DCDC2C: variants seen among roughly 807,000 people sequenced by gnomAD.
The protein encoded by DCDC2C is doublecortin domain containing 2C.
A neutral mutation model predicts 45.0 loss-of-function variants in DCDC2C; 44 were observed. That is an observed-to-expected ratio of 0.98 (90% CI 0.77 to 1.26). The LOEUF is 1.26. Among genes scored for constraint, DCDC2C ranks in the 50% most tolerant of loss-of-function variants. DCDC2C has a pLI of 0.00. For synonymous variants in DCDC2C, 187 were observed against 178.8 expected, an observed-to-expected ratio of 1.05 and a Z score of -0.37; for missense variants, 447 against 468.9, an observed-to-expected ratio of 0.95 and a Z score of 0.43.
At chr2:3,819,540 G>A (rs191743167) in intron 10 of DCDC2C, among the ~76,000 whole-genome samples, 2 of 152,314 alleles carry the variant, frequency 1.3e-5, no homozygotes, top group East Asian at 1.9e-4. Flanking sequence ...CCCGTTGTGG[G>A]GTTTGAGGGC....
intron 2 of DCDC2C, among the ~76,000 whole-genome samples, chr2:3,726,793 C>A (rs1000048449): frequency 1.3e-5 from 2 of 151,944 alleles, no homozygotes; most frequent in African/African-American, 2.4e-5. Flanking sequence ...GCCCCAGACC[C>A]CCTCGCGCTG....
intron 4 of DCDC2C, 48 bp from the exon 5 acceptor site, chr2:3,752,715 C>G (rs1378701429): frequency 6.5e-7 from 1 of 1,545,206 alleles, no homozygotes; most frequent in Admixed American, 2.0e-5. Context: ...AAGCCCTATG[C>G]TACTGGTCCT....
At chr2:3,824,189 T>A (rs545952704) in intron 10 of DCDC2C, among the ~76,000 whole-genome samples, 98 of 152,360 alleles carry the variant, frequency 6.4e-4, no homozygotes, top group Non-Finnish European at 1.2e-3. Flanking sequence ...GATTGTTGTA[T>A]GATTTGGTGG....
intron 2 of DCDC2C, among the ~76,000 whole-genome samples, chr2:3,715,606 T>TCCATCCATCCATCCATCCATCCATC (rs1157499865): frequency 8.8e-5 from 12 of 136,820 alleles, no homozygotes; most frequent in Admixed American, 2.8e-4. Flanking sequence ...ATCCATCCAT[T>TCCATCCATCCATCCATCCATCCATC]CATCCAATTT....
At chr2:3,732,891 GT>G (rs561209361) in intron 3 of DCDC2C, among the ~76,000 whole-genome samples, 135 of 152,336 alleles carry the variant, frequency 8.9e-4, no homozygotes, top group African/African-American at 3.1e-3. Flanking sequence ...CTTTGGACAT[GT>G]GGGCTCTTCC....
At chr2:3,747,228 C>T (rs939219578) in intron 4 of DCDC2C, among the ~76,000 whole-genome samples, 9 of 152,212 alleles carry the variant, frequency 5.9e-5, no homozygotes, top group African/African-American at 1.4e-4. Context: ...AGGAGCTTCC[C>T]GCCTCGGTTT....
chr2:3,725,334 C>T (rs958411848), intron 2 of DCDC2C, among the ~76,000 whole-genome samples: 3 of 152,152 alleles, frequency 2.0e-5, no homozygotes, highest in East Asian at 3.9e-4. Flanking sequence ...GCAGCAGAGG[C>T]CCCGGGAAGC....
chr2:3,723,826 G>C (rs957911644), intron 2 of DCDC2C, among the ~76,000 whole-genome samples: 1 of 152,104 alleles, frequency 6.6e-6, no homozygotes. Flanking sequence ...GAACAAATGG[G>C]GCCGGGGTGG....
intron 4 of DCDC2C, among the ~76,000 whole-genome samples, chr2:3,750,173 T>C (rs1314666739): frequency 6.6e-6 from 1 of 152,160 alleles, no homozygotes; most frequent in Non-Finnish European, 1.5e-5. Context: ...TTGATTTCCA[T>C]GTCTTCCCCC....
chr2:3,786,858 AG>A (rs1371938750), intron 10 of DCDC2C, among the ~76,000 whole-genome samples: 2 of 152,282 alleles, frequency 1.3e-5, no homozygotes, highest in Non-Finnish European at 2.9e-5. Flanking sequence ...ACATGTTTAT[AG>A]GTTTACTTAC....
At chr2:3,725,696 C>CGG (rs1668645095) in intron 2 of DCDC2C, among the ~76,000 whole-genome samples, 4 of 149,210 alleles carry the variant, frequency 2.7e-5, no homozygotes, top group Non-Finnish European at 4.5e-5. Flanking sequence ...AGGTGGATCC[C>CGG]AGAGGGAGAT....
chr2:3,770,900 C>T (rs1229144393), intron 8 of DCDC2C, among the ~76,000 whole-genome samples: 1 of 152,206 alleles, frequency 6.6e-6, no homozygotes, highest in African/African-American at 2.4e-5. Context: ...GGAAGAGGGC[C>T]AGTAGGTCCC....
intron 3 of DCDC2C, among the ~76,000 whole-genome samples, chr2:3,731,216 G>T (rs934846709): frequency 1.3e-5 from 2 of 152,148 alleles, no homozygotes; most frequent in African/African-American, 4.8e-5. Flanking sequence ...TACCAGGCTG[G>T]CTCCAGGCAG....
chr2:3,751,219 CCTT>C (rs1230242036), intron 4 of DCDC2C, among the ~76,000 whole-genome samples: 2 of 152,214 alleles, frequency 1.3e-5, no homozygotes, highest in Admixed American at 1.3e-4. Flanking sequence ...GGTGCCCTCT[CCTT>C]AGGACCATCG....
At chr2:3,801,656 G>A (rs1007320427) in intron 10 of DCDC2C, among the ~76,000 whole-genome samples, 10 of 152,236 alleles carry the variant, frequency 6.6e-5, no homozygotes, top group African/African-American at 2.4e-4. Context: ...GTGGCCCCTG[G>A]CCCGGAGCCC....
intron 10 of DCDC2C, among the ~76,000 whole-genome samples, chr2:3,846,118 C>G (rs889408705): frequency 4.0e-5 from 6 of 151,744 alleles, no homozygotes; most frequent in Non-Finnish European, 8.8e-5. Context: ...TTCCTTTCTC[C>G]CTCCTTCCCT....
At chr2:3,715,004 A>G (rs998767086) in intron 2 of DCDC2C, among the ~76,000 whole-genome samples, 1 of 152,254 alleles carries the variant, frequency 6.6e-6, no homozygotes, top group Non-Finnish European at 1.5e-5. Context: ...TCATAATCCT[A>G]TCATTCAGAG....
chr2:3,741,778 A>G (rs1558572985), intron 3 of DCDC2C, 142 bp from the exon 4 acceptor site: 5 of 904,810 alleles, frequency 5.5e-6, no homozygotes, highest in Non-Finnish European at 6.3e-6. Context: ...AAGGTCCCCA[A>G]TAAGACATAG....
chr2:3,738,190 ATAAT>A (rs1195543943), intron 3 of DCDC2C, among the ~76,000 whole-genome samples: 1 of 152,258 alleles, frequency 6.6e-6, no homozygotes, highest in African/African-American at 2.4e-5. Context: ...TAAGAAATAA[ATAAT>A]TCAGTGCACC....
Sources: allele counts gnomAD v4.1 joint callset (sites outside exome capture counted in the v4.1 genomes callset), GRCh38; gene constraint gnomAD v4.1.1; transcripts MANE v1.5; gene names NCBI Gene and HGNC (gene_info 2026-07-23, HGNC 2026-07-21).